LRRD1: variants seen among roughly 807,000 people sequenced by gnomAD.
LRRD1 encodes leucine rich repeats and death domain containing 1.
LRRD1 carries 49 observed loss-of-function variants against 69.5 expected under a neutral mutation model. The observed-to-expected ratio is 0.70, with a 90% CI of 0.56 to 0.89. LRRD1 has a LOEUF of 0.89. LRRD1 is among the 40% of genes least tolerant of loss of function. The pLI, the probability that LRRD1 is intolerant of heterozygous loss-of-function variation, is 0.00. For missense variants in LRRD1, 853 were observed against 956.0 expected (o/e 0.89, Z 1.42); for synonymous variants, 303 against 338.9 (o/e 0.89, Z 1.16).
At position 92,144,996 on chromosome 7, in the gene LRRD1, A is replaced by C. The variant is rs1420724738; in HGVS notation, c.2475T>G (p.Ala825=). Residue 825 remains alanine, a synonymous_variant, in exon 6 of 6, where the codon GCT becomes GCG. Coordinates refer to ENST00000458448, the MANE Select transcript of LRRD1 (RefSeq NM_001161528.2). ...KTQSNKLSLT[A]AALRDQLIRA... ...GAATTAGTTGATCTCTTAAAGCAGC[A>C]GCAGTTAGTGATAACTTGTTACTTT... 4 of 1,542,982 alleles carry C rather than the reference A, an allele frequency of 2.6e-6. No homozygotes were observed. Among genetic ancestry groups the C allele is most frequent in the East Asian group, 2.5e-5 (1 of 40,770 alleles).
chr7:92,151,526 T>C (rs1262772906), intron 3 of LRRD1, among the ~76,000 whole-genome samples: 5 of 152,182 alleles, frequency 3.3e-5, no homozygotes, highest in African/African-American at 1.2e-4. Context: ...AATGTTATAA[T>C]TTTTTTCCTT....
Position 92,163,333 on chromosome 7 carries a change from G to A in LRRD1, c.1870C>T (p.Leu624Phe). 6.6e-7 allele frequency: 1 copy of A among 1,526,566 alleles called. No homozygotes were observed. The highest frequency in any genetic ancestry group is 8.8e-7 in the Non-Finnish European group (1 of 1,138,554). The allele number at this position is 1,526,566 out of a possible 1,614,324, so 94.6% of individuals were successfully genotyped here. The change falls in exon 2 of 6, where the codon CTT becomes TTT. Residue 624 changes from leucine to phenylalanine, a missense_variant. By Grantham distance (22) the Leu-to-Phe change is conservative. Coordinates refer to ENST00000458448, the MANE Select transcript of LRRD1 (RefSeq NM_001161528.2). ...FIHFPIELCQ[L>F]QSLEQLNISQ... ...ATATTCAGCTGTTCCAGTGATTGAA[G>A]TTGGCACAGTTCAATAGGAAAATGT...
chr7:92,168,450 C>G (rs1788972434), intron 1 of LRRD1, among the ~76,000 whole-genome samples: 1 of 152,160 alleles, frequency 6.6e-6, no homozygotes, highest in Non-Finnish European at 1.5e-5. Flanking sequence ...GACACCACAT[C>G]AGAGTGCCTA....
chr7:92,156,838 T>C lies in LRRD1; in HGVS notation c.2116+2167A>G, dbSNP rs189981433. Among the ~76,000 whole-genome samples the C allele has an allele frequency of 2.0e-4, 31 of 152,318 alleles. No individual in the cohort carries two copies. In the East Asian group the frequency reaches 5.2e-3, roughly 26 times the overall value. On this transcript the variant is annotated intron_variant, in intron 3 of 5. Transcript: ENST00000458448. Reference sequence around the variant, plus strand: ...AAGAAGTGGTGAGAAAGGAGAACTTTACTTTAATCCTGATCATAGTGGAAA... The same window carrying C: ...AAGAAGTGGTGAGAAAGGAGAACTTCACTTTAATCCTGATCATAGTGGAAA...
rs1820316458 is a variant in LRRD1 at position 92,146,083 on chromosome 7, C to T, written c.2396G>A (p.Ser799Asn). The change falls in exon 5 of 6, where the codon AGC becomes AAC. Residue 799 changes from serine (S) to asparagine (N), a missense_variant and splice_region_variant. Physicochemically the swap from Ser to Asn is conservative, Grantham distance 46. Coordinates refer to ENST00000458448, the MANE Select transcript of LRRD1 (RefSeq NM_001161528.2). ...ANSETDMPTK[S>N]TVSLSERAHQ... The stretch of plus-strand genomic sequence containing the variant: ...ACTAAATGCTGTCATTTATACATAC[C>T]TCTTTGTAGGCATATCAGTTTCTGA... The T allele has an allele frequency of 2.7e-6, 4 of 1,471,784 alleles. No individual in the cohort carries two copies. Among genetic ancestry groups the T allele is most frequent in the Non-Finnish European group, 3.7e-6 (4 of 1,094,536 alleles). 91.2% of individuals were successfully genotyped at this position (1,471,784 alleles called of 1,614,324 possible). A position where few individuals can be genotyped will look rare whatever the true frequency, so the allele number is the denominator to read the frequency against.
At chr7:92,143,647 C>T (rs1029577334), downstream of LRRD1, among the ~76,000 whole-genome samples, 1 of 152,160 alleles carries the variant, frequency 6.6e-6, no homozygotes, top group Non-Finnish European at 1.5e-5. Flanking sequence ...CACGCGCACC[C>T]GGAACTCGCG....
downstream of LRRD1, chr7:92,142,825 C>T (rs1249289506): frequency 1.2e-5 from 5 of 430,722 alleles, no homozygotes; most frequent in African/African-American, 6.2e-5. Flanking sequence ...AGTGAAGCTG[C>T]AGACCTGCGT....
chr7:92,145,075 C>T lies in LRRD1; in HGVS notation c.2397-1G>A, dbSNP rs767672900. The T allele has an allele frequency of 7.2e-6, 10 of 1,382,326 alleles. No homozygotes were observed. The South Asian group carries it at 1.7e-4, about 24-fold the overall frequency. 85.6% of individuals were successfully genotyped at this position (1,382,326 alleles called of 1,614,324 possible). On this transcript the variant is annotated splice_acceptor_variant, in intron 5 of 5. Transcript: ENST00000458448. LOFTEE classifies it high-confidence loss of function. ...GGCTCTCTCACTTAATGAAACAGTG[C>T]TGAAAAACATTATTAATAATATTAA...
intron 1 of LRRD1, among the ~76,000 whole-genome samples, chr7:92,174,331 G>A (rs547885885): frequency 2.4e-4 from 36 of 151,122 alleles, no homozygotes; most frequent in Non-Finnish European, 4.9e-4. Flanking sequence ...TAATTTGAAT[G>A]TTTCTAGCAT....
At chr7:92,168,292 T>A (rs1490727087) in intron 1 of LRRD1, among the ~76,000 whole-genome samples, 1 of 152,154 alleles carries the variant, frequency 6.6e-6, no homozygotes. Context: ...CCAACTTGGA[T>A]TCCCTGGCAG....
intron 5 of LRRD1, among the ~76,000 whole-genome samples, chr7:92,145,540 C>T (rs1004889840): frequency 7.9e-5 from 12 of 151,208 alleles, no homozygotes; most frequent in African/African-American, 1.7e-4. Context: ...CCCGGGTTCA[C>T]GCCATTCTCC....
At chr7:92,167,038 A>C (rs1788926070) in intron 1 of LRRD1, among the ~76,000 whole-genome samples, 1 of 152,202 alleles carries the variant, frequency 6.6e-6, no homozygotes, top group Admixed American at 6.5e-5. Flanking sequence ...TATTAGAATA[A>C]ATAAGAACAT....
intron 3 of LRRD1, among the ~76,000 whole-genome samples, chr7:92,153,184 C>T (rs1321337321): frequency 6.6e-6 from 1 of 151,996 alleles, no homozygotes; most frequent in Non-Finnish European, 1.5e-5. Context: ...TGTGCCTCAG[C>T]CTCCCGAGTA....
At chr7:92,165,650 A>C (rs918211687) in intron 1 of LRRD1, among the ~76,000 whole-genome samples, 1 of 152,096 alleles carries the variant, frequency 6.6e-6, no homozygotes, top group Non-Finnish European at 1.5e-5. Context: ...ACTTTAGGTC[A>C]GGAGTTGGAG....
chr7:92,161,400 G>T (rs993931890), intron 2 of LRRD1, among the ~76,000 whole-genome samples: 1 of 152,208 alleles, frequency 6.6e-6, no homozygotes, highest in Non-Finnish European at 1.5e-5. Context: ...GTTGCCTTGG[G>T]CAGCCATTCA....
intron 4 of LRRD1, among the ~76,000 whole-genome samples, chr7:92,147,353 T>TCAC (rs1180471863): frequency 6.6e-6 from 1 of 152,032 alleles, no homozygotes; most frequent in African/African-American, 2.4e-5. Flanking sequence ...AAGGCATGAG[T>TCAC]CACCACACTG....
chr7:92,162,484 T>A (rs893001370), intron 2 of LRRD1, among the ~76,000 whole-genome samples: 1 of 152,188 alleles, frequency 6.6e-6, no homozygotes, highest in Admixed American at 6.5e-5. Flanking sequence ...GATCTTCATA[T>A]AAATCAGTAA....
chr7:92,175,952 A>G (rs9641099), intron 1 of LRRD1, among the ~76,000 whole-genome samples: 17,363 of 152,126 alleles, frequency 0.11, 1,136 homozygotes, highest in East Asian at 0.36. Flanking sequence ...ATTCCTTTTT[A>G]TCTAAGTTGG....
chr7:92,159,237 AATAC>A, intron 2 of LRRD1, 34 bp from the exon 3 acceptor site: 1 of 1,262,948 alleles, frequency 7.9e-7, no homozygotes, highest in Non-Finnish European at 1.0e-6. Context: ...TACATTTATA[AATAC>A]ATACATATTT....
Sources: gnomAD v4.1 joint callset for allele counts (sites outside exome capture counted in the v4.1 genomes callset) on GRCh38, gnomAD v4.1.1 for gene constraint, MANE v1.5 for transcripts, NCBI Gene and HGNC (gene_info 2026-07-23, HGNC 2026-07-21) for gene names.